The following ARSG variants were observed in gnomAD, a reference collection of about 807,000 sequenced individuals.
ARSG encodes the protein ASG.
In ARSG, 37 loss-of-function variants were observed where a neutral mutation model predicts 50.5. The ratio of observed to expected loss-of-function variants is 0.73; its 90% confidence interval spans 0.56 to 0.96. The LOEUF (loss-of-function observed/expected upper bound fraction) is 0.96. ARSG is among the 50% of genes least tolerant of loss of function. The pLI, the probability that ARSG is intolerant of heterozygous loss-of-function variation, is 0.00. For synonymous variants in ARSG, 225 were observed against 254.6 expected, an observed-to-expected ratio of 0.88 and a Z score of 1.11; for missense variants, 629 against 675.3, an observed-to-expected ratio of 0.93 and a Z score of 0.76.
intron 1 of ARSG, among the ~76,000 whole-genome samples, chr17:68,284,959 A>G (rs1390690318): frequency 4.6e-5 from 7 of 152,178 alleles, no homozygotes; most frequent in Admixed American, 4.6e-4. Flanking sequence ...CCTTGTACAC[A>G]GCTTGTATTT....
the ARSG span, among the ~76,000 whole-genome samples, chr17:68,436,132 T>C: frequency 6.6e-6 from 1 of 152,230 alleles, no homozygotes; most frequent in Non-Finnish European, 1.5e-5. Flanking sequence ...GGGAGACAAC[T>C]GGCCCCCTGC....
At chr17:68,278,341 T>C in intron 1 of ARSG, 1 of 1,567,912 alleles carries the variant, frequency 6.4e-7, no homozygotes, top group Non-Finnish European at 8.8e-7. Context: ...AAAGAAAAAG[T>C]TAAAAGCAAT....
intron 2 of ARSG, among the ~76,000 whole-genome samples, chr17:68,322,641 A>G (rs978236214): frequency 1.2e-5 from 1 of 80,198 alleles, no homozygotes; most frequent in Admixed American, 1.4e-4. Context: ...AAAAAAATTA[A>G]AAAAAAAAGA....
At chr17:68,263,753 G>T (rs2075109227) in intron 1 of ARSG, among the ~76,000 whole-genome samples, 1 of 152,152 alleles carries the variant, frequency 6.6e-6, no homozygotes, top group African/African-American at 2.4e-5. Flanking sequence ...CCTGGCCACG[G>T]TTTAAAGAAT....
intron 4 of ARSG, among the ~76,000 whole-genome samples, chr17:68,350,113 A>T (rs767603753): frequency 6.6e-6 from 1 of 152,184 alleles, no homozygotes; most frequent in Non-Finnish European, 1.5e-5. Flanking sequence ...TTCACACTCA[A>T]ACTGGGCTGG....
chr17:68,361,015 G>A (rs2079259021), intron 6 of ARSG, among the ~76,000 whole-genome samples: 1 of 152,086 alleles, frequency 6.6e-6, no homozygotes, highest in Non-Finnish European at 1.5e-5. Flanking sequence ...AGTAGAGACG[G>A]CGTTTCACCA....
At chr17:68,352,947 T>G (rs931704080) in intron 5 of ARSG, among the ~76,000 whole-genome samples, 3 of 152,110 alleles carry the variant, frequency 2.0e-5, no homozygotes, top group Non-Finnish European at 4.4e-5. Context: ...ACGTGTTCCC[T>G]TGTTCGGACA....
At chr17:68,337,904 A>G (rs1443934183) in intron 2 of ARSG, among the ~76,000 whole-genome samples, 1 of 152,194 alleles carries the variant, frequency 6.6e-6, no homozygotes, top group Non-Finnish European at 1.5e-5. Flanking sequence ...GGTGTGAGCC[A>G]CTGCGCCCGG....
intron 1 of ARSG, among the ~76,000 whole-genome samples, chr17:68,283,688 A>G (rs531536742): frequency 6.6e-6 from 1 of 151,750 alleles, no homozygotes; most frequent in East Asian, 2.0e-4. Flanking sequence ...CCCTGAAAGT[A>G]TAGTCTTGAA....
At position 68,356,655 on chromosome 17, in the gene ARSG, G is replaced by A; in HGVS notation, c.567-12G>A. ...GGAAATGAATACTCTATGGTCTGTGGTTTCCACACAGGAACCTTCAAAGAG... is the reference window on the plus strand; with the variant it reads ...GGAAATGAATACTCTATGGTCTGTGATTTCCACACAGGAACCTTCAAAGAG... On this transcript the variant is annotated splice_polypyrimidine_tract_variant and intron_variant, in intron 5 of 11. Coordinates refer to ENST00000621439, the MANE Select transcript of ARSG (RefSeq NM_001267727.2). 6.2e-7 allele frequency: 1 copy of A among 1,614,186 alleles called. No homozygotes were observed. The highest frequency in any genetic ancestry group is 1.1e-5 in the South Asian group (1 of 91,086).
intron 2 of ARSG, among the ~76,000 whole-genome samples, chr17:68,329,607 C>A (rs886582323): frequency 4.6e-5 from 7 of 152,110 alleles, no homozygotes; most frequent in Non-Finnish European, 8.8e-5. Flanking sequence ...TGCTCCAGCT[C>A]CCCTGCTGGG....
chr17:68,362,921 G>C (rs2079366008), intron 6 of ARSG, among the ~76,000 whole-genome samples: 1 of 152,110 alleles, frequency 6.6e-6, no homozygotes, highest in Non-Finnish European at 1.5e-5. Flanking sequence ...TGCCCAGTTA[G>C]AGCTTAATAA....
intron 1 of ARSG, among the ~76,000 whole-genome samples, chr17:68,298,718 C>G (rs571355187): frequency 2.4e-3 from 370 of 152,140 alleles, no homozygotes; most frequent in Admixed American, 6.5e-3. Flanking sequence ...CAGTTTGGTT[C>G]CTGGTGAGGG....
upstream of ARSG, among the ~76,000 whole-genome samples, chr17:68,290,854 G>C (rs561821246): frequency 1.3e-5 from 2 of 152,178 alleles, no homozygotes; most frequent in Non-Finnish European, 2.9e-5. Context: ...CAGGGTCACG[G>C]ACATTCAACT....
At chr17:68,268,618 T>A (rs1218744538) in intron 1 of ARSG, 1 of 152,388 alleles carries the variant, frequency 6.6e-6, no homozygotes, top group African/African-American at 2.4e-5. Flanking sequence ...GTCTTTTTTT[T>A]TTTGACTGGC....
At chr17:68,426,254 G>GGGT, downstream of ARSG, 2 of 816,900 alleles carry the variant, frequency 2.4e-6, no homozygotes, top group East Asian at 3.5e-5. Flanking sequence ...GGGAGCGGGG[G>GGGT]CTCAAATAAA....
intron 1 of ARSG, among the ~76,000 whole-genome samples, chr17:68,296,225 A>AT (rs1474122561): frequency 2.6e-5 from 4 of 152,188 alleles, no homozygotes; most frequent in Admixed American, 1.3e-4. Context: ...GGACCAGTGG[A>AT]TTTTGCCCCG....
chr17:68,385,251 C>T, intron 9 of ARSG, 79 bp downstream of exon 9: 1 of 1,300,692 alleles, frequency 7.7e-7, no homozygotes, highest in Middle Eastern at 1.9e-4. Context: ...TAGATGGAGG[C>T]ATGGGTGGCT....
At chr17:68,384,976 A>G (rs1440382483) in intron 8 of ARSG, 88 bp from the exon 9 acceptor site, 1 of 1,060,750 alleles carries the variant, frequency 9.4e-7, no homozygotes, top group Non-Finnish European at 1.4e-6. Flanking sequence ...AAACTCAGAG[A>G]GGGGTTCTCC....
Sources: gnomAD v4.1 joint callset for allele counts (sites outside exome capture counted in the v4.1 genomes callset) on GRCh38, gnomAD v4.1.1 for gene constraint, MANE v1.5 for transcripts, NCBI Gene and HGNC (gene_info 2026-07-23, HGNC 2026-07-21) for gene names.